CTNNA2: variants seen among roughly 807,000 people sequenced by gnomAD.
CTNNA2 encodes the protein catenin alpha 2, also known as catenin alpha-2.
CTNNA2 carries 42 observed loss-of-function variants against 101.0 expected under a neutral mutation model. The ratio of observed to expected loss-of-function variants is 0.42; its 90% confidence interval spans 0.32 to 0.54. The LOEUF (loss-of-function observed/expected upper bound fraction) is 0.54. Ranked by LOEUF, CTNNA2 falls within the 20% of genes least tolerant of loss-of-function variation. The probability of loss-of-function intolerance (pLI) is 0.14; values close to 1 mark genes in which losing one functional copy is unlikely to be tolerated. For missense variants in CTNNA2, 871 were observed against 1,223.1 expected, an observed-to-expected ratio of 0.71 and a Z score of 4.29; for synonymous variants, 450 against 456.4, an observed-to-expected ratio of 0.99 and a Z score of 0.18.
chr2:80,097,301 A>C (rs1241328719), intron 7 of CTNNA2, among the ~76,000 whole-genome samples: 1 of 152,132 alleles, frequency 6.6e-6, no homozygotes, highest in African/African-American at 2.4e-5. Flanking sequence ...CTGGGTTGAA[A>C]ATTCTTTTCT....
chr2:80,528,824 G>A (rs1398911534), intron 9 of CTNNA2, among the ~76,000 whole-genome samples: 7 of 152,172 alleles, frequency 4.6e-5, no homozygotes, highest in Admixed American at 4.6e-4. Flanking sequence ...TTCTTCGTGA[G>A]TCTCTAACAT....
chr2:80,074,243 G>A (rs1212033422), intron 7 of CTNNA2, among the ~76,000 whole-genome samples: 1 of 152,090 alleles, frequency 6.6e-6, no homozygotes, highest in Non-Finnish European at 1.5e-5. Context: ...AGCCCATTAT[G>A]CAAAGCACAC....
intron 1 of CTNNA2, among the ~76,000 whole-genome samples, chr2:79,608,148 A>C (rs184513780): frequency 6.6e-6 from 1 of 152,074 alleles, no homozygotes; most frequent in Non-Finnish European, 1.5e-5. Flanking sequence ...CTATATGCCT[A>C]TAAGTTGGAC....
At chr2:80,417,054 G>A (rs1191818365) in intron 8 of CTNNA2, among the ~76,000 whole-genome samples, 1 of 151,808 alleles carries the variant, frequency 6.6e-6, no homozygotes, top group African/African-American at 2.4e-5. Context: ...CATTTTACTG[G>A]AAAATACCTT....
At chr2:79,262,020 G>A (rs1234243346) in intron 2 of CTNNA2, among the ~76,000 whole-genome samples, 1 of 152,158 alleles carries the variant, frequency 6.6e-6, no homozygotes, top group Non-Finnish European at 1.5e-5. Flanking sequence ...TCAGGAGCAT[G>A]TCTAGGTCTG....
chr2:79,825,519 A>T (rs904578429), intron 3 of CTNNA2, among the ~76,000 whole-genome samples: 3 of 152,088 alleles, frequency 2.0e-5, no homozygotes, highest in African/African-American at 7.2e-5. Context: ...TCTAAAGGGG[A>T]TAGTGTTGCC....
intron 7 of CTNNA2, among the ~76,000 whole-genome samples, chr2:80,209,431 T>C (rs1368554099): frequency 1.3e-5 from 2 of 152,078 alleles, no homozygotes; most frequent in African/African-American, 4.8e-5. Flanking sequence ...CCTCAGGTGA[T>C]CCGCCCGCCT....
At chr2:80,564,282 T>G (rs776383370) in intron 12 of CTNNA2, among the ~76,000 whole-genome samples, 1 of 152,240 alleles carries the variant, frequency 6.6e-6, no homozygotes, top group Non-Finnish European at 1.5e-5. Flanking sequence ...TAAGGCATCA[T>G]GCTCATGCTC....
rs540753187 is a variant in CTNNA2 at position 79,978,650 on chromosome 2, A to C, written c.1056+68853A>C. ...AAAAGAGTTTGATTCATATCTGTCC[A>C]TTTGCTTCCCAGTCTACACAGTTGC... On this transcript the variant is annotated intron_variant, in intron 7 of 18. Transcript: ENST00000402739. Among the ~76,000 whole-genome samples, 4 of 152,140 alleles carry C rather than the reference A, an allele frequency of 2.6e-5. No individual in the cohort carries two copies. The South Asian group carries it at 8.3e-4, about 32-fold the overall frequency.
At chr2:79,886,659 G>T (rs1683888929) in intron 6 of CTNNA2, among the ~76,000 whole-genome samples, 1 of 140,886 alleles carries the variant, frequency 7.1e-6, no homozygotes, top group Non-Finnish European at 1.5e-5. Context: ...GCTGAGGTAG[G>T]AGAATGGCAT....
chr2:80,164,672 C>G (rs1396450715), intron 7 of CTNNA2, among the ~76,000 whole-genome samples: 2 of 151,008 alleles, frequency 1.3e-5, no homozygotes, highest in Non-Finnish European at 3.0e-5. Flanking sequence ...TCCTTTCTTA[C>G]CTTTCCTTTC....
intron 15 of CTNNA2, among the ~76,000 whole-genome samples, chr2:80,592,600 C>G (rs1377385973): frequency 1.3e-5 from 2 of 152,180 alleles, no homozygotes; most frequent in Non-Finnish European, 2.9e-5. Context: ...CTTCATACTG[C>G]TTCAGCTGAT....
At chr2:79,205,724 G>C (rs10184823) in intron 2 of CTNNA2, among the ~76,000 whole-genome samples, 1 of 152,088 alleles carries the variant, frequency 6.6e-6, no homozygotes, top group African/African-American at 2.4e-5. Context: ...CCATTGCCTC[G>C]TGAAGCTTCT....
chr2:79,492,895 G>T (rs1671218340), intron 4 of CTNNA2, among the ~76,000 whole-genome samples: 1 of 152,140 alleles, frequency 6.6e-6, no homozygotes, highest in Non-Finnish European at 1.5e-5. Context: ...GAAATGCAAA[G>T]TTGGCTTAAT....
intron 13 of CTNNA2, among the ~76,000 whole-genome samples, chr2:80,580,750 C>T (rs1267282494): frequency 6.6e-6 from 1 of 152,168 alleles, no homozygotes. Context: ...CACAGTGACT[C>T]ATGCTTGTAA....
At chr2:79,679,287 C>T (rs1573654166) in intron 2 of CTNNA2, among the ~76,000 whole-genome samples, 2 of 152,072 alleles carry the variant, frequency 1.3e-5, no homozygotes, top group East Asian at 3.9e-4. Context: ...TTCAGATGTG[C>T]ACATATTCCC....
intron 1 of CTNNA2, among the ~76,000 whole-genome samples, chr2:79,589,605 T>G (rs1394617241): frequency 6.6e-6 from 1 of 152,070 alleles, no homozygotes; most frequent in Non-Finnish European, 1.5e-5. Context: ...CTTAATATGA[T>G]AAAGAAGAAA....
chr2:79,210,428 T>G (rs552325102), intron 2 of CTNNA2, among the ~76,000 whole-genome samples: 1 of 152,258 alleles, frequency 6.6e-6, no homozygotes, highest in South Asian at 2.1e-4. Flanking sequence ...TGGAATGATC[T>G]GATTGCCTCT....
intron 9 of CTNNA2, among the ~76,000 whole-genome samples, chr2:80,471,075 T>C (rs1290467412): frequency 6.6e-6 from 1 of 152,102 alleles, no homozygotes; most frequent in Admixed American, 6.5e-5. Flanking sequence ...AAGCAGCCCA[T>C]GATAGGGGGT....
Sources: allele counts gnomAD v4.1 joint callset (sites outside exome capture counted in the v4.1 genomes callset), GRCh38; gene constraint gnomAD v4.1.1; transcripts MANE v1.5; gene names NCBI Gene and HGNC (gene_info 2026-07-23, HGNC 2026-07-21).